NGLY1: variants seen among roughly 807,000 people sequenced by gnomAD.
NGLY1 encodes the protein N-glycanase 1.
Under a neutral mutation model 84.6 loss-of-function variants are expected in NGLY1, and 68 were observed. The observed-to-expected ratio is 0.80, with a 90% CI of 0.66 to 0.98. The LOEUF (loss-of-function observed/expected upper bound fraction) is 0.98, where lower values mean the gene tolerates loss of function less well. Ranked by LOEUF, NGLY1 falls within the 50% of genes least tolerant of loss-of-function variation. NGLY1 has a pLI of 0.00. For synonymous variants in NGLY1, 280 were observed against 275.2 expected (o/e 1.02, Z -0.17); for missense variants, 779 against 770.2 (o/e 1.01, Z -0.14).
At chr3:25,740,753 T>C (rs1706096977) in intron 4 of NGLY1, among the ~76,000 whole-genome samples, 1 of 152,140 alleles carries the variant, frequency 6.6e-6, no homozygotes, top group African/African-American at 2.4e-5. Context: ...ACTCAATATT[T>C]CTAAAGCTGA....
rs1189624530 is a variant in NGLY1, at chr3:25,783,211, C to T, written c.131+49G>A. ...CCCAGTCCCTGGCCGAACAAGGTGC[C>T]GCGGCCCACCCACCCCGGTACCCGC... On this transcript the variant is annotated intron_variant, in intron 1 of 11. Transcript: ENST00000280700. The surrounding 1 kb of genome is among the most constrained non-coding windows in gnomAD (Gnocchi z 4.5). The T allele has an allele frequency of 4.5e-6, 7 of 1,552,562 alleles. No homozygotes were observed. Among genetic ancestry groups the T allele is most frequent in the Non-Finnish European group, 6.2e-6 (7 of 1,131,492 alleles).
chr3:25,770,421 T>C (rs1168633813), intron 2 of NGLY1, among the ~76,000 whole-genome samples: 1 of 152,188 alleles, frequency 6.6e-6, no homozygotes, highest in Non-Finnish European at 1.5e-5. Context: ...AGAACTAGGA[T>C]TACAGCCATG....
At chr3:25,778,745 A>C in intron 1 of NGLY1, 57 bp from the exon 2 acceptor site, 1 of 1,041,486 alleles carries the variant, frequency 9.6e-7, no homozygotes. Context: ...TAGTTCTTCA[A>C]AGACTTTACT....
intron 4 of NGLY1, among the ~76,000 whole-genome samples, chr3:25,743,909 G>C (rs907255340): frequency 6.6e-6 from 1 of 152,172 alleles, no homozygotes; most frequent in East Asian, 1.9e-4. Flanking sequence ...TAGGGGCTCA[G>C]AGAAATAAAA....
At chr3:25,720,248 A>G (rs1426410844) in intron 10 of NGLY1, 57 bp from the exon 11 acceptor site, 2 of 1,395,302 alleles carry the variant, frequency 1.4e-6, no homozygotes, top group Non-Finnish European at 2.0e-6. Flanking sequence ...AATAGTATAG[A>G]AAACAAACTT....
At chr3:25,734,116 G>C in intron 7 of NGLY1, 134 bp from the exon 8 acceptor site, 2 of 1,241,030 alleles carry the variant, frequency 1.6e-6, no homozygotes, top group Non-Finnish European at 2.2e-6. Flanking sequence ...GTCCAGGCTA[G>C]AGTGCAGTGG....
intron 4 of NGLY1, among the ~76,000 whole-genome samples, chr3:25,747,901 G>A (rs1339875137): frequency 2.0e-5 from 3 of 152,168 alleles, no homozygotes; most frequent in Non-Finnish European, 4.4e-5. Context: ...TCTTGGGAGA[G>A]GTCCCCACAC....
Position 25,734,861 on chromosome 3 carries a change from T to C in NGLY1, c.1150-879A>G, listed in dbSNP as rs1291898224. On this transcript the variant is annotated intron_variant, in intron 7 of 11. Coordinates refer to ENST00000280700, the MANE Select transcript of NGLY1 (RefSeq NM_018297.4). The stretch of plus-strand genomic sequence containing the variant: ...TTCAAAACATTACCTTTTTAAAATT[T>C]ATCTGCAAAGCTGATTCCACAAAAT... 5 of 908,808 alleles carry C rather than the reference T, an allele frequency of 5.5e-6. No individual in the cohort carries two copies. In the African/African-American group the frequency reaches 8.8e-5, roughly 16 times the overall value. 56.3% of individuals were successfully genotyped at this position (908,808 alleles called of 1,614,324 possible). A position where few individuals can be genotyped will look rare whatever the true frequency, so the allele number is the denominator to read the frequency against.
At chr3:25,723,790 G>A (rs878976307) in intron 10 of NGLY1, among the ~76,000 whole-genome samples, 2 of 152,198 alleles carry the variant, frequency 1.3e-5, no homozygotes, top group Admixed American at 6.5e-5. Flanking sequence ...CTGTAAGCTC[G>A]GTTTTGTAAT....
chr3:25,732,092 A>T (rs1705567224), intron 9 of NGLY1, among the ~76,000 whole-genome samples: 1 of 152,174 alleles, frequency 6.6e-6, no homozygotes, highest in African/African-American at 2.4e-5. Flanking sequence ...AAATTTACAT[A>T]AGGTAAAAAA....
At chr3:25,741,025 G>A (rs1203363453) in intron 4 of NGLY1, among the ~76,000 whole-genome samples, 2 of 151,766 alleles carry the variant, frequency 1.3e-5, no homozygotes, top group African/African-American at 2.4e-5. Flanking sequence ...CTACTTGGGA[G>A]GCTGAGGCGG....
At chr3:25,727,266 C>A (rs949195853) in intron 10 of NGLY1, among the ~76,000 whole-genome samples, 1 of 152,056 alleles carries the variant, frequency 6.6e-6, no homozygotes, top group African/African-American at 2.4e-5. Context: ...AAAAATGGTA[C>A]CCTTCATAAA....
At position 25,719,416 on chromosome 3, in the gene NGLY1, G is replaced by C; in HGVS notation, c.*44C>G. 1 of 1,571,428 alleles carries C rather than the reference G, an allele frequency of 6.4e-7. No homozygotes were observed. The highest frequency in any genetic ancestry group is 8.7e-7 in the Non-Finnish European group (1 of 1,145,498). On this transcript the variant is annotated 3_prime_UTR_variant, in exon 12 of 12. Transcript: ENST00000280700. ...TGCACTGAACCAACAGACTACTTCA[G>C]TAAGTCCTTGATTATTGCCAGCTTT...
intron 9 of NGLY1, among the ~76,000 whole-genome samples, chr3:25,731,761 C>T (rs1042490926): frequency 3.9e-5 from 6 of 152,092 alleles, no homozygotes; most frequent in Admixed American, 1.3e-4. Flanking sequence ...ATACCATACA[C>T]GTTGCAACAT....
intron 3 of NGLY1, chr3:25,755,684 T>C: frequency 7.0e-7 from 1 of 1,430,868 alleles, no homozygotes; most frequent in Non-Finnish European, 9.7e-7. Context: ...ATGTAAGGAA[T>C]TATAGTCTAG....
intron 10 of NGLY1, among the ~76,000 whole-genome samples, chr3:25,724,203 T>C (rs73057802): frequency 6.6e-6 from 1 of 152,332 alleles, no homozygotes; most frequent in Non-Finnish European, 1.5e-5. Flanking sequence ...GTTTGGACTA[T>C]ATTGTTTGAA....
chr3:25,726,104 G>A (rs538624021), intron 10 of NGLY1, among the ~76,000 whole-genome samples: 1 of 151,832 alleles, frequency 6.6e-6, no homozygotes, highest in South Asian at 2.1e-4. Context: ...TGACTGTAGT[G>A]ACAAAGAGAG....
chr3:25,776,356 G>A (rs762663533), intron 2 of NGLY1, among the ~76,000 whole-genome samples: 6 of 152,286 alleles, frequency 3.9e-5, no homozygotes, highest in East Asian at 1.9e-4. Flanking sequence ...GTGACACTTC[G>A]ACATGAGAAA....
rs532299911 is a variant in NGLY1 at position 25,720,121 on chromosome 3, C to T, written c.1682G>A (p.Gly561Asp). The T allele has an allele frequency of 2.5e-6, 4 of 1,613,632 alleles. No homozygotes were observed. The South Asian group carries it at 3.3e-5, about 13-fold the overall frequency. ...ISWKFECGSV[G>D]LKVDSISIRT... ...AATAGAAATGCTATCTACTTTTAGG[C>T]CAACTGACCCACACTCAAACTTCCA... The change falls in exon 11 of 12, where the codon GGC (glycine) becomes GAC (aspartate). Residue 561 changes from glycine to aspartate, a missense_variant. Gly to Asp is a moderately conservative substitution (Grantham distance 94, BLOSUM62 -1). Coordinates refer to ENST00000280700, the MANE Select transcript of NGLY1 (RefSeq NM_018297.4).
Sources: allele counts gnomAD v4.1 joint callset (sites outside exome capture counted in the v4.1 genomes callset), GRCh38; gene constraint gnomAD v4.1.1; non-coding constraint Gnocchi (gnomAD v3.1); transcripts MANE v1.5; gene names NCBI Gene and HGNC (gene_info 2026-07-23, HGNC 2026-07-21).